The following TENT5D variants were observed in gnomAD, a reference collection of about 807,000 sequenced individuals.
TENT5D encodes the protein cancer/testis antigen 112.
For missense variants in TENT5D, 191 were observed against 287.0 expected (o/e 0.67, Z 2.42); for synonymous variants, 103 against 100.6 (o/e 1.02, Z -0.15).
At chrX:80,357,933 A>G (rs1479281311) in intron 3 of TENT5D, among the ~76,000 whole-genome samples, 1 of 111,886 alleles carries the variant, frequency 8.9e-6, no homozygotes, top group African/African-American at 3.3e-5. Context: ...GGCTACAGTA[A>G]TTAAAACAGC....
intron 3 of TENT5D, among the ~76,000 whole-genome samples, chrX:80,365,171 A>G (rs1930482562): frequency 9.0e-6 from 1 of 111,728 alleles, no homozygotes. Context: ...ATTGTGAGTT[A>G]TGGAACTTAG....
At chrX:80,377,312 T>C (rs1930749641) in intron 3 of TENT5D, among the ~76,000 whole-genome samples, 2 of 111,568 alleles carry the variant, frequency 1.8e-5, no homozygotes, top group Non-Finnish European at 3.8e-5. Flanking sequence ...AGTATACATG[T>C]GCCATGTTGG....
chrX:80,374,938 G>A (rs760775071), intron 3 of TENT5D, among the ~76,000 whole-genome samples: 41 of 111,171 alleles, frequency 3.7e-4, no homozygotes, highest in Non-Finnish European at 5.9e-4. Context: ...TTTGGATTCT[G>A]GAGCATTTCA....
intron 3 of TENT5D, among the ~76,000 whole-genome samples, chrX:80,373,185 T>C (rs1017359800): frequency 9.0e-6 from 1 of 111,290 alleles, no homozygotes; most frequent in Non-Finnish European, 1.9e-5. Flanking sequence ...AATGTAAATA[T>C]ACATTTTTAA....
chrX:80,335,729 T>A (rs1929835456), intron 2 of TENT5D: 1 of 111,677 alleles, frequency 9.0e-6, no homozygotes, highest in African/African-American at 3.3e-5. Flanking sequence ...ATAGGGCTTT[T>A]AACGTATTTT....
intron 1 of TENT5D, among the ~76,000 whole-genome samples, chrX:80,435,252 A>G (rs1480587588): frequency 8.9e-6 from 1 of 112,150 alleles, no homozygotes; most frequent in Non-Finnish European, 1.9e-5. Context: ...AAAGTTTAAT[A>G]TATGCATGCA....
At position 80,336,478 on chromosome X, in the gene TENT5D, G is replaced by T. The variant is rs1045559903; in HGVS notation, c.-207+762G>T. Among the ~76,000 whole-genome samples the T allele has an allele frequency of 3.6e-5, 4 of 109,765 alleles. 1 individual carries two copies. The highest frequency in any genetic ancestry group is 1.9e-5 in the Non-Finnish European group (1 of 52,701). Reference sequence around the variant, plus strand: ...TTATTTTTGATGTCCCTATATATTTGAGAATTAAGACTTTACAGAAACAGA... The same window carrying T: ...TTATTTTTGATGTCCCTATATATTTTAGAATTAAGACTTTACAGAAACAGA... On this transcript the variant is annotated intron_variant, in intron 2 of 4. Coordinates refer to the TENT5D transcript ENST00000538312.
chrX:80,399,464 C>T (rs970766993), intron 3 of TENT5D, among the ~76,000 whole-genome samples: 5 of 111,504 alleles, frequency 4.5e-5, no homozygotes, highest in African/African-American at 1.6e-4. Context: ...TCCCATTGGT[C>T]GATGTGTCTG....
At chrX:80,427,355 A>G (rs1408704431) in intron 1 of TENT5D, among the ~76,000 whole-genome samples, 1 of 112,213 alleles carries the variant, frequency 8.9e-6, no homozygotes, top group Non-Finnish European at 1.9e-5. Context: ...TTTAAAGGCC[A>G]AAGAAGCAGT....
chrX:80,408,239 A>C (rs1931549429), intron 3 of TENT5D, among the ~76,000 whole-genome samples: 2 of 104,836 alleles, frequency 1.9e-5, no homozygotes. Context: ...GAAGGCAAGA[A>C]ATAACTAAAA....
chrX:80,372,924 T>C (rs1477027484), intron 3 of TENT5D, among the ~76,000 whole-genome samples: 4 of 109,155 alleles, frequency 3.7e-5, no homozygotes, highest in Admixed American at 2.0e-4. Context: ...TGCTTGTTAC[T>C]GTATTTCATA....
chrX:80,343,933 T>C (rs1481101100), intron 3 of TENT5D, among the ~76,000 whole-genome samples: 2 of 110,874 alleles, frequency 1.8e-5, no homozygotes, highest in Non-Finnish European at 3.8e-5. Flanking sequence ...GGTACTTTTT[T>C]GAATCTCAGT....
chrX:80,409,107 T>G (rs1164325839), intron 3 of TENT5D, among the ~76,000 whole-genome samples: 1 of 108,896 alleles, frequency 9.2e-6, no homozygotes, highest in Non-Finnish European at 1.9e-5. Context: ...TTCAAAATAA[T>G]AAGAGCTATC....
At chrX:80,433,628 G>C (rs1226102365) in intron 1 of TENT5D, among the ~76,000 whole-genome samples, 6 of 111,553 alleles carry the variant, frequency 5.4e-5, no homozygotes. Context: ...TTTGGGACTT[G>C]TATGCTATTT....
chrX:80,397,215 G>GGGT (rs1931286392), intron 3 of TENT5D, among the ~76,000 whole-genome samples: 1 of 105,959 alleles, frequency 9.4e-6, no homozygotes, highest in African/African-American at 3.5e-5. Flanking sequence ...TTCTCAGACG[G>GGGT]GGCGGCCGGG....
At chrX:80,421,961 G>A (rs1418143549) in intron 1 of TENT5D, among the ~76,000 whole-genome samples, 1 of 111,222 alleles carries the variant, frequency 9.0e-6, no homozygotes, top group Non-Finnish European at 1.9e-5. Flanking sequence ...GAAAAAAAGT[G>A]GAGGTTACTG....
intron 3 of TENT5D, among the ~76,000 whole-genome samples, chrX:80,396,563 CAT>C (rs1015205253): frequency 9.0e-6 from 1 of 110,544 alleles, no homozygotes; most frequent in African/African-American, 3.3e-5. Context: ...GGACACAGCA[CAT>C]GTTTCAGAGG....
chrX:80,393,433 A>G (rs188382608), intron 3 of TENT5D, among the ~76,000 whole-genome samples: 443 of 110,925 alleles, frequency 4.0e-3, no homozygotes, highest in Middle Eastern at 0.014. Context: ...TTGTTATTAC[A>G]TATTACAAAC....
At chrX:80,360,135 A>G (rs1305499049) in intron 3 of TENT5D, among the ~76,000 whole-genome samples, 9 of 112,042 alleles carry the variant, frequency 8.0e-5, no homozygotes, top group Non-Finnish European at 1.5e-4. Context: ...TTACAAAATC[A>G]TCTTTCCCCA....
Sources: gnomAD v4.1 joint callset for allele counts (sites outside exome capture counted in the v4.1 genomes callset) on GRCh38, gnomAD v4.1.1 for gene constraint, MANE v1.5 for transcripts, NCBI Gene and HGNC (gene_info 2026-07-23, HGNC 2026-07-21) for gene names.